COMMD10: variants seen among roughly 807,000 people sequenced by gnomAD.
COMMD10 encodes COMM domain-containing protein 10.
COMMD10 carries 33 observed loss-of-function variants against 28.9 expected under a neutral mutation model. The ratio of observed to expected loss-of-function variants is 1.14; its 90% CI spans 0.87 to 1.53. COMMD10 has a LOEUF of 1.53. Among genes scored for constraint, COMMD10 ranks in the 40% most tolerant of loss-of-function variants. The pLI, the probability that COMMD10 is intolerant of heterozygous loss-of-function variation, is 0.00. For missense variants in COMMD10, 310 were observed against 233.4 expected, an observed-to-expected ratio of 1.33 and a Z score of -2.14; for synonymous variants, 110 against 81.7, an observed-to-expected ratio of 1.35 and a Z score of -1.87.
intron 5 of COMMD10, among the ~76,000 whole-genome samples, chr5:116,244,858 A>G (rs1338470746): frequency 6.6e-6 from 1 of 152,006 alleles, no homozygotes; most frequent in East Asian, 1.9e-4. Context: ...TATAGCACTG[A>G]ATGCCCATAT....
At chr5:116,260,195 A>G (rs943049929) in intron 5 of COMMD10, among the ~76,000 whole-genome samples, 24 of 151,980 alleles carry the variant, frequency 1.6e-4, no homozygotes, top group African/African-American at 5.1e-4. Context: ...AGATGATGAA[A>G]CCATTTCAAT....
At chr5:116,243,444 T>C (rs1391005505) in intron 5 of COMMD10, among the ~76,000 whole-genome samples, 1 of 152,232 alleles carries the variant, frequency 6.6e-6, no homozygotes, top group East Asian at 1.9e-4. Context: ...ATAATGACTT[T>C]GAGGAAAACA....
chr5:116,289,127 C>T (rs914461739), intron 5 of COMMD10, among the ~76,000 whole-genome samples: 15 of 151,612 alleles, frequency 9.9e-5, no homozygotes, highest in Non-Finnish European at 2.2e-4. Flanking sequence ...GGTGATCCAC[C>T]CACCTCAGCC....
intron 5 of COMMD10, among the ~76,000 whole-genome samples, chr5:116,239,120 C>T (rs1057003958): frequency 6.6e-6 from 1 of 151,988 alleles, no homozygotes; most frequent in African/African-American, 2.4e-5. Context: ...TTTTGCCAAT[C>T]GCAAATTTAT....
At chr5:116,168,525 A>G (rs554081153) in intron 5 of COMMD10, among the ~76,000 whole-genome samples, 7 of 152,284 alleles carry the variant, frequency 4.6e-5, no homozygotes, top group African/African-American at 1.7e-4. Context: ...TCAACAGAGT[A>G]TATATTCTTC....
intron 4 of COMMD10, among the ~76,000 whole-genome samples, chr5:116,104,062 A>C (rs902888563): frequency 3.9e-5 from 6 of 152,248 alleles, no homozygotes; most frequent in African/African-American, 1.4e-4. Flanking sequence ...CTCGTAGTGT[A>C]GTTTGAAGTC....
At chr5:116,125,828 A>G (rs1381967084) in intron 4 of COMMD10, among the ~76,000 whole-genome samples, 1 of 152,036 alleles carries the variant, frequency 6.6e-6, no homozygotes, top group African/African-American at 2.4e-5. Context: ...TTCATACTGA[A>G]TGGGCAAAAA....
At position 116,158,674 on chromosome 5, in the gene COMMD10, T is replaced by C. The variant is rs575728305; in HGVS notation, c.510+24496T>C. On this transcript the variant is annotated intron_variant, in intron 5 of 6. Coordinates refer to ENST00000274458, the MANE Select transcript of COMMD10 (RefSeq NM_016144.4). The stretch of plus-strand genomic sequence containing the variant: ...CTTTTAAAATTTTCATTTTAAATTA[T>C]GTTTTCTTAAGTGTTTTTACTTAAT... 5.9e-5 allele frequency among the ~76,000 whole-genome samples: 9 copies of C among 152,098 alleles called. No individual in the cohort carries two copies. In the East Asian group the frequency reaches 1.6e-3, roughly 26 times the overall value.
At chr5:116,182,209 G>T (rs1747989325) in intron 5 of COMMD10, among the ~76,000 whole-genome samples, 2 of 151,910 alleles carry the variant, frequency 1.3e-5, no homozygotes, top group Admixed American at 1.3e-4. Context: ...CAGGCTTTGA[G>T]GCAACAACAA....
At chr5:116,199,590 T>C (rs1748611385) in intron 5 of COMMD10, among the ~76,000 whole-genome samples, 1 of 152,180 alleles carries the variant, frequency 6.6e-6, no homozygotes, top group Non-Finnish European at 1.5e-5. Flanking sequence ...GAAACAAAGT[T>C]ATTTTACCAT....
chr5:116,160,541 T>C (rs1348985218), intron 5 of COMMD10, among the ~76,000 whole-genome samples: 1 of 152,124 alleles, frequency 6.6e-6, no homozygotes, highest in Non-Finnish European at 1.5e-5. Context: ...AATAGATTTA[T>C]ACTCTTTAAC....
chr5:116,196,453 C>G (rs1486283101), intron 5 of COMMD10, among the ~76,000 whole-genome samples: 3 of 151,690 alleles, frequency 2.0e-5, no homozygotes, highest in East Asian at 3.9e-4. Context: ...AAAGAACTTA[C>G]TCATGTAACC....
chr5:116,173,501 G>A (rs147867355), intron 5 of COMMD10, among the ~76,000 whole-genome samples: 31 of 152,216 alleles, frequency 2.0e-4, no homozygotes, highest in African/African-American at 7.0e-4. Flanking sequence ...TACTTACAAA[G>A]AGCTAGATTT....
intron 5 of COMMD10, among the ~76,000 whole-genome samples, chr5:116,139,373 T>C (rs1372504499): frequency 2.1e-5 from 1 of 48,258 alleles, no homozygotes; most frequent in Non-Finnish European, 4.8e-5. Context: ...ATGACATCAA[T>C]GATGTTGATG....
chr5:116,118,272 G>A (rs575058197), intron 4 of COMMD10, among the ~76,000 whole-genome samples: 58 of 151,626 alleles, frequency 3.8e-4, no homozygotes, highest in African/African-American at 1.4e-3. Context: ...TTTTTTTGTG[G>A]CCCACTATAT....
chr5:116,150,490 C>G (rs1225772540), intron 5 of COMMD10, among the ~76,000 whole-genome samples: 1 of 151,472 alleles, frequency 6.6e-6, no homozygotes, highest in Non-Finnish European at 1.5e-5. Context: ...TACCCATGAG[C>G]ATGGAATGTT....
At chr5:116,161,782 G>T (rs1205467824) in intron 5 of COMMD10, among the ~76,000 whole-genome samples, 2 of 152,070 alleles carry the variant, frequency 1.3e-5, no homozygotes, top group African/African-American at 2.4e-5. Context: ...CCATCTCAGG[G>T]GTGGCAGAGG....
intron 4 of COMMD10, among the ~76,000 whole-genome samples, chr5:116,113,833 G>C (rs937802378): frequency 6.6e-6 from 1 of 151,948 alleles, no homozygotes; most frequent in Non-Finnish European, 1.5e-5. Context: ...GTGTTCCTTT[G>C]ATGGTGTCAT....
At chr5:116,085,712 ATTAT>A (rs1223742843) in intron 1 of COMMD10, 1 of 152,222 alleles carries the variant, frequency 6.6e-6, no homozygotes, top group Non-Finnish European at 1.5e-5. Context: ...CCCCTTTAAC[ATTAT>A]TTAAGTAAAA....
Sources: allele counts gnomAD v4.1 joint callset (sites outside exome capture counted in the v4.1 genomes callset), GRCh38; gene constraint gnomAD v4.1.1; transcripts MANE v1.5; gene names NCBI Gene and HGNC (gene_info 2026-07-23, HGNC 2026-07-21).